METTL24: variants seen among roughly 807,000 people sequenced by gnomAD.
The protein encoded by METTL24 is probable methyltransferase-like protein 24.
METTL24 carries 29 observed loss-of-function variants against 32.7 expected under a neutral mutation model. The observed-to-expected ratio is 0.89, with a 90% CI of 0.66 to 1.21. The LOEUF (loss-of-function observed/expected upper bound fraction) is 1.21. Ranked by LOEUF, METTL24 falls within the 50% of genes most tolerant of loss-of-function variation. METTL24 has a pLI of 0.00. For missense variants in METTL24, 439 were observed against 468.1 expected, an observed-to-expected ratio of 0.94 and a Z score of 0.57; for synonymous variants, 163 against 179.5, an observed-to-expected ratio of 0.91 and a Z score of 0.73.
rs754474267 is a variant in METTL24, at chr6:110,302,510, TAC to T, written c.558-3362_558-3361del. Among the ~76,000 whole-genome samples the T allele has an allele frequency of 3.1e-3, 338 of 110,002 alleles. 20 individuals carry two copies. The highest frequency in any genetic ancestry group is 5.5e-3 in the African/African-American group (104 of 18,930). The allele number at this position is 110,002 out of a possible 152,430, so 72.2% of individuals were successfully genotyped here. Reference sequence around the variant, plus strand: ...ACACATATGTGTATATATACACATATACACACACATATGTGTATATATACACA... The same window carrying T: ...ACACATATGTGTATATATACACATATACACACATATGTGTATATATACACA... On this transcript the variant is annotated intron_variant, in intron 3 of 4. Coordinates refer to ENST00000338882, the MANE Select transcript of METTL24 (RefSeq NM_001123364.3).
At chr6:110,335,289 T>C (rs776981626) in intron 1 of METTL24, among the ~76,000 whole-genome samples, 1 of 152,198 alleles carries the variant, frequency 6.6e-6, no homozygotes, top group Non-Finnish European at 1.5e-5. Context: ...GCTGCCAAAG[T>C]GGCAACTGAC....
intron 1 of METTL24, among the ~76,000 whole-genome samples, chr6:110,337,069 C>T (rs1374038019): frequency 1.3e-5 from 2 of 152,182 alleles, no homozygotes; most frequent in East Asian, 3.8e-4. Context: ...GGTACATATA[C>T]ACCATGAAAT....
intron 1 of METTL24, among the ~76,000 whole-genome samples, chr6:110,348,734 G>C (rs1562245807): frequency 2.0e-5 from 3 of 152,192 alleles, no homozygotes; most frequent in African/African-American, 4.8e-5. Flanking sequence ...GATTGACTTG[G>C]AGTCTGATTC....
At chr6:110,334,175 C>T (rs1020540658) in intron 1 of METTL24, among the ~76,000 whole-genome samples, 1 of 152,206 alleles carries the variant, frequency 6.6e-6, no homozygotes, top group Admixed American at 6.5e-5. Context: ...ACCTGCAACC[C>T]GGGGGCCCAC....
At chr6:110,323,371 G>A (rs140220948) in intron 1 of METTL24, among the ~76,000 whole-genome samples, 18 of 152,286 alleles carry the variant, frequency 1.2e-4, no homozygotes, top group African/African-American at 2.2e-4. Flanking sequence ...ATGGGACCAC[G>A]GCCCTTGGCT....
At chr6:110,276,962 G>T (rs578243566) in intron 4 of METTL24, among the ~76,000 whole-genome samples, 1 of 152,254 alleles carries the variant, frequency 6.6e-6, no homozygotes, top group South Asian at 2.1e-4. Context: ...CATAGAAGCT[G>T]CCACACCCAA....
At chr6:110,339,301 C>T (rs1207880753) in intron 1 of METTL24, among the ~76,000 whole-genome samples, 1 of 152,182 alleles carries the variant, frequency 6.6e-6, no homozygotes, top group Non-Finnish European at 1.5e-5. Flanking sequence ...GCTCCCAAAC[C>T]AGTTTCTATC....
chr6:110,279,656 A>C (rs1231492567), intron 4 of METTL24, among the ~76,000 whole-genome samples: 3 of 152,302 alleles, frequency 2.0e-5, no homozygotes, highest in Middle Eastern at 3.4e-3. Flanking sequence ...AAAACTATAA[A>C]ATATTAGTGC....
chr6:110,344,125 A>G (rs1772419679), intron 1 of METTL24, among the ~76,000 whole-genome samples: 1 of 152,246 alleles, frequency 6.6e-6, no homozygotes, highest in South Asian at 2.1e-4. Flanking sequence ...AAGGGTGGGT[A>G]ACGGAGTAGG....
chr6:110,291,430 G>C (rs910823291), intron 4 of METTL24, among the ~76,000 whole-genome samples: 4 of 152,026 alleles, frequency 2.6e-5, no homozygotes, highest in African/African-American at 9.7e-5. Flanking sequence ...AGTTGTTCCA[G>C]CACCATTTGT....
At chr6:110,351,754 G>A (rs138601246) in intron 1 of METTL24, among the ~76,000 whole-genome samples, 47 of 152,342 alleles carry the variant, frequency 3.1e-4, no homozygotes, top group African/African-American at 1.0e-3. Flanking sequence ...CTGGTCCAGT[G>A]TGAATGTCAA....
intron 4 of METTL24, among the ~76,000 whole-genome samples, chr6:110,255,858 T>C (rs1284044029): frequency 6.6e-6 from 1 of 152,006 alleles, no homozygotes; most frequent in Non-Finnish European, 1.5e-5. Context: ...TCTTTGCCCT[T>C]AGATGGTGGG....
intron 3 of METTL24, among the ~76,000 whole-genome samples, chr6:110,300,452 G>A (rs1248090780): frequency 7.0e-6 from 1 of 143,068 alleles, no homozygotes; most frequent in Non-Finnish European, 1.5e-5. Flanking sequence ...ATGGAGTCTG[G>A]CTCCATCACC....
At chr6:110,284,171 TAG>T (rs1771182017) in intron 4 of METTL24, among the ~76,000 whole-genome samples, 1 of 152,118 alleles carries the variant, frequency 6.6e-6, no homozygotes, top group Non-Finnish European at 1.5e-5. Context: ...GGCAAATTCA[TAG>T]AGACAGGAAG....
At chr6:110,260,140 G>A (rs1778465494) in intron 4 of METTL24, among the ~76,000 whole-genome samples, 1 of 152,202 alleles carries the variant, frequency 6.6e-6, no homozygotes, top group Non-Finnish European at 1.5e-5. Context: ...GCTGAGAGAA[G>A]AAGGCTTCAG....
chr6:110,256,375 A>G (rs1562216969), intron 4 of METTL24, among the ~76,000 whole-genome samples: 1 of 152,188 alleles, frequency 6.6e-6, no homozygotes, highest in Admixed American at 6.5e-5. Flanking sequence ...CTCATGCTAG[A>G]CCTGTCAGAG....
intron 1 of METTL24, 103 bp from the exon 2 acceptor site, chr6:110,322,975 C>T (rs1419446953): frequency 1.3e-6 from 1 of 783,878 alleles, no homozygotes; most frequent in African/African-American, 1.7e-5. Flanking sequence ...TGGCTGTCAG[C>T]AAAACACACA....
chr6:110,274,859 C>T (rs1298501630), intron 4 of METTL24, among the ~76,000 whole-genome samples: 12 of 138,504 alleles, frequency 8.7e-5, no homozygotes, highest in Middle Eastern at 4.0e-3. Flanking sequence ...AGTGCAGTGG[C>T]GCCATCTTGG....
chr6:110,327,875 T>C (rs1772043721), intron 1 of METTL24, among the ~76,000 whole-genome samples: 1 of 152,230 alleles, frequency 6.6e-6, no homozygotes, highest in Non-Finnish European at 1.5e-5. Context: ...ATTAAATGCC[T>C]ATCATCCACG....
Sources: allele counts gnomAD v4.1 joint callset (sites outside exome capture counted in the v4.1 genomes callset), GRCh38; gene constraint gnomAD v4.1.1; transcripts MANE v1.5; gene names NCBI Gene and HGNC (gene_info 2026-07-23, HGNC 2026-07-21).